Variants in TNS1 observed in about 807,000 individuals in gnomAD.
The protein encoded by TNS1 is tensin-1.
Under a neutral mutation model 168.6 loss-of-function variants are expected in TNS1, and 62 were observed. The observed-to-expected ratio is 0.37, with a 90% CI of 0.30 to 0.45. The LOEUF is 0.45. Among genes scored for constraint, TNS1 ranks in the 20% least tolerant of loss-of-function variants. TNS1 has a pLI of 1.00. For synonymous variants in TNS1, 934 were observed against 933.2 expected, an observed-to-expected ratio of 1.00 and a Z score of -0.02; for missense variants, 2,240 against 2,339.4, an observed-to-expected ratio of 0.96 and a Z score of 0.88.
intron 4 of TNS1, among the ~76,000 whole-genome samples, chr2:217,917,904 AGGGG>A (rs1955252127): frequency 6.6e-6 from 1 of 151,036 alleles, no homozygotes; most frequent in South Asian, 2.1e-4. Flanking sequence ...CATTCCAGGC[AGGGG>A]GAATAGTAAG....
At position 217,836,106 on chromosome 2, in the gene TNS1, G is replaced by A. The variant is rs141836163; in HGVS notation, c.3113C>T (p.Pro1038Leu). Residue 1038 changes from proline (P) to leucine (L), a missense_variant, in exon 20 of 33, where the codon CCT becomes CTT. Around this residue, in one of 2 missense-constraint regions of TNS1, gnomAD observed 2,131 missense variants for 2,171.2 expected, o/e 0.98. Transcript: ENST00000682258. ...YENQSPEATS[P>L]RSPGVRSPVQ... is the part of the protein sequence containing the mutation. ...AGGGGAGCGAACCCCAGGGCTACGAGGGGATGTGGCTTCTGGAGACTGGTT... is the reference window on the plus strand; with the variant it reads ...AGGGGAGCGAACCCCAGGGCTACGAAGGGATGTGGCTTCTGGAGACTGGTT... 646 of 1,614,102 alleles carry A rather than the reference G, an allele frequency of 4.0e-4. 3 individuals are homozygous for A. In the South Asian group the frequency reaches 5.1e-3, roughly 13 times the overall value.
intron 3 of TNS1, among the ~76,000 whole-genome samples, chr2:217,932,762 C>G (rs1956387915): frequency 6.6e-6 from 1 of 152,166 alleles, no homozygotes; most frequent in Admixed American, 6.5e-5. Flanking sequence ...AACTTTCCAT[C>G]AAAAAAATCC....
chr2:217,989,539 G>A (rs1333569814), intron 2 of TNS1, among the ~76,000 whole-genome samples: 3 of 152,144 alleles, frequency 2.0e-5, no homozygotes, highest in Admixed American at 6.5e-5. Context: ...GTCAGCCACT[G>A]ATATTGGGTG....
intron 16 of TNS1, 132 bp from the exon 17 acceptor site, chr2:217,882,543 T>A: frequency 3.6e-6 from 2 of 552,038 alleles, no homozygotes; most frequent in African/African-American, 1.9e-5. Flanking sequence ...TCAATGTATA[T>A]TTATACATAT....
chr2:217,809,990 G>C lies in TNS1; in HGVS notation c.5106C>G (p.Ala1702=). Residue 1702 remains alanine (A), a splice_region_variant and synonymous_variant, in exon 30 of 33, where the codon GCC becomes GCG. Coordinates refer to ENST00000682258, the MANE Select transcript of TNS1 (RefSeq NM_001387777.1). ...STADLLKQGA[A]CNVLFVNSVD... ...CAGAGTTGACGAAGAGCACATTGCA[G>C]GCTGGAAGAAACCAACCCAAGGGGG... is the stretch of plus-strand genomic sequence containing the variant. 1 of 1,610,174 alleles carries C rather than the reference G, an allele frequency of 6.2e-7. No homozygotes were observed.
chr2:217,897,691 G>A, intron 8 of TNS1, 107 bp downstream of exon 8: 5 of 1,225,918 alleles, frequency 4.1e-6, no homozygotes, highest in Non-Finnish European at 5.6e-6. Flanking sequence ...AAGAGAAGAG[G>A]GCATGCTGGC....
At chr2:217,894,842 C>T (rs1328574981) in intron 9 of TNS1, among the ~76,000 whole-genome samples, 164 bp downstream of exon 9, 1 of 152,170 alleles carries the variant, frequency 6.6e-6, no homozygotes, top group Non-Finnish European at 1.5e-5. Context: ...CTGTAATTGG[C>T]ATTGTGGAAA....
At chr2:217,929,697 AC>A (rs1055788718) in intron 3 of TNS1, among the ~76,000 whole-genome samples, 8 of 11,606 alleles carry the variant, frequency 6.9e-4, no homozygotes, top group Non-Finnish European at 1.6e-3. Context: ...TCAGCCCTCC[AC>A]CCCCCACCCG....
intron 3 of TNS1, among the ~76,000 whole-genome samples, chr2:217,966,079 C>T (rs965152457): frequency 1.3e-5 from 2 of 152,182 alleles, no homozygotes; most frequent in Non-Finnish European, 2.9e-5. Context: ...TACCCTCCCC[C>T]TCTCTCTAAC....
At chr2:217,820,271 T>C (rs1348147728) in intron 23 of TNS1, among the ~76,000 whole-genome samples, 2 of 152,194 alleles carry the variant, frequency 1.3e-5, no homozygotes, top group African/African-American at 4.8e-5. Context: ...AACTTCCTAA[T>C]GCCAGGGCTC....
At chr2:217,878,201 G>A (rs933804810) in intron 18 of TNS1, among the ~76,000 whole-genome samples, 5 of 152,172 alleles carry the variant, frequency 3.3e-5, no homozygotes, top group South Asian at 2.1e-4. Flanking sequence ...GGGGTGCCAC[G>A]CTCCAGCACA....
At chr2:217,858,790 G>T (rs370461516) in intron 18 of TNS1, among the ~76,000 whole-genome samples, 5 of 152,070 alleles carry the variant, frequency 3.3e-5, no homozygotes, top group Admixed American at 2.6e-4. Flanking sequence ...AAGCCAGTGG[G>T]ATAAAACTGT....
At chr2:217,887,539 C>T (rs1302474624) in intron 12 of TNS1, among the ~76,000 whole-genome samples, 6 of 152,170 alleles carry the variant, frequency 3.9e-5, no homozygotes, top group African/African-American at 1.4e-4. Flanking sequence ...AACTCCCAAC[C>T]TCAGGTGATC....
At chr2:217,971,746 A>G (rs931960128) in intron 3 of TNS1, among the ~76,000 whole-genome samples, 3 of 152,248 alleles carry the variant, frequency 2.0e-5, no homozygotes, top group Non-Finnish European at 4.4e-5. Flanking sequence ...AAAACTAATT[A>G]AATCAGAACC....
chr2:217,976,549 C>G (rs1025214358), intron 3 of TNS1, among the ~76,000 whole-genome samples: 1 of 152,244 alleles, frequency 6.6e-6, no homozygotes, highest in South Asian at 2.1e-4. Context: ...AGTCTACCCT[C>G]TCCCCCACTT....
At chr2:217,961,735 A>G (rs1423508814) in intron 3 of TNS1, among the ~76,000 whole-genome samples, 1 of 152,210 alleles carries the variant, frequency 6.6e-6, no homozygotes, top group African/African-American at 2.4e-5. Flanking sequence ...GACATAGGAA[A>G]TGATTTCCAT....
chr2:217,859,311 A>ACAATTTTCAG (rs1249727103), intron 18 of TNS1: 4 of 343,398 alleles, frequency 1.2e-5, no homozygotes, highest in Non-Finnish European at 2.1e-5. Context: ...ACAGATGACA[A>ACAATTTTCAG]CAATTTTCCA....
intron 18 of TNS1, among the ~76,000 whole-genome samples, chr2:217,857,968 C>T (rs1948354074): frequency 6.6e-6 from 1 of 152,152 alleles, no homozygotes; most frequent in Admixed American, 6.5e-5. Context: ...AGAGGAGAGT[C>T]AAGCTGCCAA....
At chr2:217,846,807 A>G (rs1423008320) in intron 19 of TNS1, among the ~76,000 whole-genome samples, 1 of 152,226 alleles carries the variant, frequency 6.6e-6, no homozygotes, top group African/African-American at 2.4e-5. Context: ...CCACTCTCTG[A>G]TAGGAAAAGG....
Sources: gnomAD v4.1 joint callset for allele counts (sites outside exome capture counted in the v4.1 genomes callset) on GRCh38, gnomAD v4.1.1 for gene constraint, gnomAD v4.1.1 regional missense constraint, MANE v1.5 for transcripts, NCBI Gene and HGNC (gene_info 2026-07-23, HGNC 2026-07-21) for gene names.